The following CDH18 variants were observed in gnomAD, a reference collection of about 807,000 sequenced individuals.
CDH18 encodes cadherin-18.
CDH18 carries 31 observed loss-of-function variants against 67.9 expected under a neutral mutation model. The observed-to-expected ratio is 0.46, with a 90% CI of 0.34 to 0.62. The LOEUF (loss-of-function observed/expected upper bound fraction) is 0.62. Ranked by LOEUF, CDH18 falls within the 20% of genes least tolerant of loss-of-function variation. The probability of loss-of-function intolerance (pLI) is 0.01; values close to 1 mark genes in which losing one functional copy is unlikely to be tolerated. For synonymous variants in CDH18, 362 were observed against 347.2 expected (o/e 1.04, Z -0.48); for missense variants, 890 against 975.5 (o/e 0.91, Z 1.17).
At chr5:19,881,457 G>C (rs1454654905) in intron 2 of CDH18, among the ~76,000 whole-genome samples, 1 of 149,390 alleles carries the variant, frequency 6.7e-6, no homozygotes, top group Non-Finnish European at 1.5e-5. Context: ...ATTTACTCTA[G>C]TCTAATGTTC....
chr5:19,613,336 C>A (rs1749303070), intron 5 of CDH18, among the ~76,000 whole-genome samples: 1 of 152,016 alleles, frequency 6.6e-6, no homozygotes, highest in African/African-American at 2.4e-5. Flanking sequence ...GCAGAGTTAT[C>A]AATGTTTAAT....
chr5:19,774,639 T>C (rs944845454), intron 3 of CDH18, among the ~76,000 whole-genome samples: 3 of 149,618 alleles, frequency 2.0e-5, no homozygotes, highest in Admixed American at 6.7e-5. Flanking sequence ...CTCACCAATA[T>C]GGTGAAACCC....
intron 5 of CDH18, among the ~76,000 whole-genome samples, chr5:19,662,343 G>A (rs936272954): frequency 2.6e-5 from 4 of 151,866 alleles, no homozygotes; most frequent in Admixed American, 1.3e-4. Context: ...TGAAATGCAC[G>A]AAATATTTTG....
chr5:20,080,939 T>C (rs1358222077), intron 2 of CDH18, among the ~76,000 whole-genome samples: 2 of 152,136 alleles, frequency 1.3e-5, no homozygotes, highest in Non-Finnish European at 2.9e-5. Context: ...CCCTCTAATA[T>C]TGCATTAGTT....
intron 3 of CDH18, among the ~76,000 whole-genome samples, chr5:19,750,961 G>A (rs1222415669): frequency 5.9e-5 from 9 of 151,948 alleles, no homozygotes; most frequent in Non-Finnish European, 1.2e-4. Flanking sequence ...TAACAAAGTA[G>A]GCTAAATTAA....
rs531893748 is a variant in CDH18 at position 20,530,205 on chromosome 5, A to T, written c.-580+45257T>A. On this transcript the variant is annotated intron_variant, in intron 1 of 14. Coordinates refer to the CDH18 transcript ENST00000507958. ...AGGGAAGTGAAGGACCTCTTCAAGAACTACAAAACATTGCTCAAGGAAATC... is the reference window on the plus strand; with the variant it reads ...AGGGAAGTGAAGGACCTCTTCAAGATCTACAAAACATTGCTCAAGGAAATC... Among the ~76,000 whole-genome samples, 16 of 152,154 alleles carry T rather than the reference A, an allele frequency of 1.1e-4. No individual in the cohort carries two copies. In the South Asian group the frequency reaches 3.3e-3, roughly 32 times the overall value.
At position 20,032,991 on chromosome 5, in the gene CDH18, C is replaced by A. The variant is rs187438058; in HGVS notation, c.-517-40977G>T. Among the ~76,000 whole-genome samples the A allele has an allele frequency of 2.0e-5, 3 of 151,800 alleles. No homozygotes were observed. In the East Asian group the frequency reaches 5.8e-4, roughly 29 times the overall value. On this transcript the variant is annotated intron_variant, in intron 2 of 14. Coordinates refer to the CDH18 transcript ENST00000507958. ...CTTTAAGTTGCATTTTTGGAAAGTA[C>A]CAATGTTGAGATATTGTGGGGGAAA... is the stretch of plus-strand genomic sequence containing the variant.
At chr5:19,740,760 T>C (rs1361613547) in intron 4 of CDH18, among the ~76,000 whole-genome samples, 2 of 152,170 alleles carry the variant, frequency 1.3e-5, no homozygotes, top group African/African-American at 4.8e-5. Context: ...ATTTTCATCT[T>C]TGTATTGTGA....
chr5:19,629,252 A>C (rs75959468), intron 5 of CDH18, among the ~76,000 whole-genome samples: 4,469 of 152,272 alleles, frequency 0.029, 137 homozygotes, highest in Admixed American at 0.078. Flanking sequence ...AAACCTCTAC[A>C]AGATGAGAAG....
chr5:19,807,358 TAC>T (rs1268965284), intron 3 of CDH18, among the ~76,000 whole-genome samples: 1 of 152,122 alleles, frequency 6.6e-6, no homozygotes, highest in Non-Finnish European at 1.5e-5. Context: ...ACAGTAAAAA[TAC>T]AGTGTTATAA....
At chr5:20,285,427 TC>T (rs1402776963) in intron 1 of CDH18, among the ~76,000 whole-genome samples, 1 of 139,744 alleles carries the variant, frequency 7.2e-6, no homozygotes, top group South Asian at 2.3e-4. Context: ...TATAATATAA[TC>T]ATAATATAAT....
At chr5:19,723,921 G>T (rs1766456953) in intron 4 of CDH18, among the ~76,000 whole-genome samples, 1 of 151,854 alleles carries the variant, frequency 6.6e-6, no homozygotes, top group Non-Finnish European at 1.5e-5. Flanking sequence ...CACCATGTTG[G>T]CCAGGCTGTG....
At chr5:19,953,316 G>A (rs1795975477) in intron 2 of CDH18, among the ~76,000 whole-genome samples, 1 of 152,054 alleles carries the variant, frequency 6.6e-6, no homozygotes, top group South Asian at 2.1e-4. Context: ...AATAATAAAT[G>A]AGTTTAGTAC....
intron 2 of CDH18, among the ~76,000 whole-genome samples, chr5:20,118,336 T>A (rs1267684526): frequency 6.6e-6 from 1 of 152,174 alleles, no homozygotes; most frequent in Non-Finnish European, 1.5e-5. Context: ...TTTATAGCTA[T>A]TACTTGTAAA....
intron 1 of CDH18, among the ~76,000 whole-genome samples, chr5:19,983,898 C>T (rs1304296530): frequency 6.6e-6 from 1 of 152,166 alleles, no homozygotes; most frequent in African/African-American, 2.4e-5. Flanking sequence ...ATCTATGCAA[C>T]CATATGCAAT....
intron 1 of CDH18, among the ~76,000 whole-genome samples, chr5:20,460,793 G>A (rs947232106): frequency 6.6e-6 from 1 of 152,062 alleles, no homozygotes; most frequent in Non-Finnish European, 1.5e-5. Context: ...AGTGATATTC[G>A]ATGTTTTTTG....
At chr5:19,974,675 G>C (rs892644674) in intron 2 of CDH18, among the ~76,000 whole-genome samples, 1 of 152,102 alleles carries the variant, frequency 6.6e-6, no homozygotes, top group Non-Finnish European at 1.5e-5. Context: ...AGATATAGCA[G>C]GCATTGTCCT....
chr5:20,443,947 A>G (rs1193453355), intron 1 of CDH18, among the ~76,000 whole-genome samples: 2 of 151,992 alleles, frequency 1.3e-5, no homozygotes, highest in African/African-American at 4.9e-5. Context: ...GTAAAAATAT[A>G]CACTTGGGGA....
intron 1 of CDH18, among the ~76,000 whole-genome samples, chr5:20,545,294 G>C (rs1441325422): frequency 6.6e-6 from 1 of 152,164 alleles, no homozygotes; most frequent in Non-Finnish European, 1.5e-5. Flanking sequence ...CTGGGGTCTG[G>C]AGAATGGTGG....
Sources: allele counts gnomAD v4.1 joint callset (sites outside exome capture counted in the v4.1 genomes callset), GRCh38; gene constraint gnomAD v4.1.1; transcripts MANE v1.5; gene names NCBI Gene and HGNC (gene_info 2026-07-23, HGNC 2026-07-21).